Variants in ZNF18 observed in about 807,000 individuals in gnomAD.
ZNF18 encodes zinc finger protein 18, also known as heart development-specific gene 1 protein.
In ZNF18, 42 loss-of-function variants were observed where a neutral mutation model predicts 58.1. That is an observed-to-expected ratio of 0.72 (90% CI 0.56 to 0.93). The LOEUF (loss-of-function observed/expected upper bound fraction) is 0.93, where lower values mean the gene tolerates loss of function less well. ZNF18 is among the 40% of genes least tolerant of loss of function. The pLI is 0.00. For missense variants in ZNF18, 540 were observed against 644.2 expected, an observed-to-expected ratio of 0.84 and a Z score of 1.75; for synonymous variants, 231 against 239.8, an observed-to-expected ratio of 0.96 and a Z score of 0.34.
In ZNF18 at chr17:11,992,874, G is replaced by A; in HGVS notation, c.-45C>T. The A allele has an allele frequency of 6.4e-7, 1 of 1,574,476 alleles. No individual in the cohort carries two copies. The highest frequency in any genetic ancestry group is 8.6e-7 in the Non-Finnish European group (1 of 1,163,850). ...TTTTAAGTAAAGTGCTTCTGCAGTG[G>A]AATTGTCTCCGGCAAGAACTAGGTC... On this transcript the variant is annotated 5_prime_UTR_variant, in exon 2 of 7. Coordinates refer to ENST00000580306, the MANE Select transcript of ZNF18 (RefSeq NM_001303281.2).
the ZNF18 span, chr17:12,020,886 A>G: frequency 3.3e-6 from 4 of 1,199,794 alleles, no homozygotes; most frequent in Non-Finnish European, 4.1e-6. Flanking sequence ...CACTCCCAAC[A>G]ATGGCGGCTC....
intron 4 of ZNF18, among the ~76,000 whole-genome samples, chr17:11,984,576 C>T (rs1266499490): frequency 6.6e-6 from 1 of 151,304 alleles, no homozygotes; most frequent in African/African-American, 2.4e-5. Context: ...TGCAGTGGAG[C>T]AATCTCTGCT....
In ZNF18 at chr17:11,984,204, A is replaced by G; in HGVS notation, c.667-7T>C. The G allele has an allele frequency of 8.7e-7, 1 of 1,153,914 alleles. No individual in the cohort carries two copies. Among genetic ancestry groups the G allele is most frequent in the Non-Finnish European group, 1.2e-6 (1 of 851,878 alleles). 71.5% of individuals were successfully genotyped at this position (1,153,914 alleles called of 1,614,324 possible). A position where few individuals can be genotyped will look rare whatever the true frequency, so the allele number is the denominator to read the frequency against. On this transcript the variant is annotated splice_polypyrimidine_tract_variant and splice_region_variant and intron_variant, in intron 4 of 6. Transcript: ENST00000580306. ...CCAGTTGTCTCCACTGTTCCTGGAA[A>G]AAAAAAAAAAAAAGCAATACAATAC...
At chr17:11,983,996 C>A (rs572939237) in intron 5 of ZNF18, 117 bp downstream of exon 5, 2 of 868,010 alleles carry the variant, frequency 2.3e-6, no homozygotes, top group South Asian at 2.0e-5. Flanking sequence ...GTGTCCCTAA[C>A]GATTTCTTTC....
chr17:12,004,528 T>C, the ZNF18 span, among the ~76,000 whole-genome samples: 5 of 152,156 alleles, frequency 3.3e-5, no homozygotes, highest in Non-Finnish European at 2.9e-5. Flanking sequence ...GTAATGATAA[T>C]GCCAATGAAT....
intron 6 of ZNF18, among the ~76,000 whole-genome samples, chr17:11,980,331 G>A (rs1967256650): frequency 6.6e-6 from 1 of 152,114 alleles, no homozygotes; most frequent in Admixed American, 6.5e-5. Context: ...GAAGACTGCT[G>A]CCCATATTTT....
At chr17:12,011,132 C>G in the ZNF18 span, 1 of 631,090 alleles carries the variant, frequency 1.6e-6, no homozygotes, top group South Asian at 1.7e-5. Flanking sequence ...TCTAGATTCG[C>G]CTGTGCACGG....
At chr17:11,980,420 T>G (rs1967263259) in intron 6 of ZNF18, among the ~76,000 whole-genome samples, 1 of 152,122 alleles carries the variant, frequency 6.6e-6, no homozygotes, top group African/African-American at 2.4e-5. Flanking sequence ...TCTGTCATGG[T>G]CATGAAAACT....
the ZNF18 span, chr17:12,020,898 G>C: frequency 8.5e-7 from 1 of 1,183,334 alleles, no homozygotes; most frequent in Non-Finnish European, 1.0e-6. Flanking sequence ...TGGCGGCTCC[G>C]AGCCCGAGCG....
At chr17:12,018,066 G>A in the ZNF18 span, among the ~76,000 whole-genome samples, 2 of 152,076 alleles carry the variant, frequency 1.3e-5, no homozygotes, top group African/African-American at 4.8e-5. Flanking sequence ...ATCTTAATTT[G>A]TTATTTTCAT....
the ZNF18 span, chr17:12,011,083 C>T: frequency 5.5e-6 from 4 of 724,390 alleles, no homozygotes; most frequent in African/African-American, 6.9e-5. Flanking sequence ...CCTTTTTGAA[C>T]AGTACTCATT....
At chr17:12,005,320 G>T in the ZNF18 span, among the ~76,000 whole-genome samples, 5 of 151,926 alleles carry the variant, frequency 3.3e-5, no homozygotes, top group African/African-American at 1.2e-4. Flanking sequence ...CTCTTTTGAG[G>T]TTCTCATACA....
the ZNF18 span, among the ~76,000 whole-genome samples, chr17:12,020,383 T>C: frequency 3.9e-5 from 6 of 152,072 alleles, no homozygotes; most frequent in Non-Finnish European, 7.4e-5. Context: ...GTTGGGGTAT[T>C]GGGCTTAAGA....
intron 6 of ZNF18, among the ~76,000 whole-genome samples, chr17:11,980,851 C>CTT (rs139362216): frequency 0.011 from 1,637 of 152,220 alleles, 32 homozygotes; most frequent in African/African-American, 0.038. Flanking sequence ...ATACAACAGA[C>CTT]AATATTTTCA....
At chr17:12,005,276 T>C in the ZNF18 span, among the ~76,000 whole-genome samples, 6 of 152,002 alleles carry the variant, frequency 3.9e-5, no homozygotes, top group East Asian at 1.9e-4. Flanking sequence ...AAGTACTTTA[T>C]GAAACTTCAT....
At chr17:11,994,660 T>G (rs912256804) in intron 1 of ZNF18, among the ~76,000 whole-genome samples, 1 of 151,878 alleles carries the variant, frequency 6.6e-6, no homozygotes, top group Non-Finnish European at 1.5e-5. Flanking sequence ...GCTAACACGG[T>G]GAAACCCCTT....
At chr17:12,004,857 A>G in the ZNF18 span, among the ~76,000 whole-genome samples, 2 of 149,670 alleles carry the variant, frequency 1.3e-5, no homozygotes, top group Non-Finnish European at 3.0e-5. Context: ...ATTGCACTCC[A>G]GCCTGGGCAA....
the ZNF18 span, among the ~76,000 whole-genome samples, chr17:12,018,134 T>C: frequency 6.6e-6 from 1 of 152,222 alleles, no homozygotes; most frequent in Non-Finnish European, 1.5e-5. Context: ...TCAGGCCCAT[T>C]TGGGGATTTC....
chr17:12,010,441 G>A, the ZNF18 span, among the ~76,000 whole-genome samples: 1 of 150,998 alleles, frequency 6.6e-6, no homozygotes, highest in African/African-American at 2.4e-5. Flanking sequence ...TTTCCAGATG[G>A]AGTCTTGCTC....
Sources: gnomAD v4.1 joint callset for allele counts (sites outside exome capture counted in the v4.1 genomes callset) on GRCh38, gnomAD v4.1.1 for gene constraint, MANE v1.5 for transcripts, NCBI Gene and HGNC (gene_info 2026-07-23, HGNC 2026-07-21) for gene names.